Variants in ROS1 observed in about 807,000 individuals in gnomAD.
ROS1 encodes the protein ROS proto-oncogene 1, receptor tyrosine kinase, also known as proto-oncogene tyrosine-protein kinase ROS.
ROS1 carries 263 observed loss-of-function variants against 273.5 expected under a neutral mutation model. That is an observed-to-expected ratio of 0.96 (90% CI 0.87 to 1.06). The LOEUF (loss-of-function observed/expected upper bound fraction) is 1.06. Ranked by LOEUF, ROS1 falls within the 50% of genes least tolerant of loss-of-function variation. The pLI is 0.00. For synonymous variants in ROS1, 1,008 were observed against 954.1 expected (o/e 1.06, Z -1.04); for missense variants, 2,833 against 2,751.1 (o/e 1.03, Z -0.67).
At position 117,358,020 on chromosome 6, in the gene ROS1, G is replaced by C; in HGVS notation, c.3634-11C>G. On this transcript the variant is annotated splice_polypyrimidine_tract_variant and intron_variant, in intron 24 of 43. Transcript: ENST00000368507. Reference sequence around the variant, plus strand: ...TGAATCTTGGAAAAGCTTAACAACAGGTAGAGAACACAGCCAAGAAGAGAG... The same window carrying C: ...TGAATCTTGGAAAAGCTTAACAACACGTAGAGAACACAGCCAAGAAGAGAG... 6.3e-7 allele frequency: 1 copy of C among 1,580,170 alleles called. No individual in the cohort carries two copies. Among genetic ancestry groups the C allele is most frequent in the Non-Finnish European group, 8.7e-7 (1 of 1,150,224 alleles).
Position 117,383,461 on chromosome 6 carries a change from G to C in ROS1, c.2337C>G (p.His779Gln). The change falls in exon 17 of 44, where the codon CAC becomes CAG. Residue 779 changes from histidine to glutamine, a missense_variant. Transcript: ENST00000368507. ...CCATGTCATTCACCAATAGCTTCAC[G>C]TGGGTAACAATGTCTGTGTGTCCCG... ...VLTGHTDIVT[H>Q]VKLLVNDMVV... 1.9e-6 allele frequency: 3 copies of C among 1,614,042 alleles called. No individual in the cohort carries two copies. The highest frequency in any genetic ancestry group is 2.5e-6 in the Non-Finnish European group (3 of 1,179,926).
intron 26 of ROS1, among the ~76,000 whole-genome samples, chr6:117,355,963 C>T (rs1248620275): frequency 6.6e-6 from 1 of 152,168 alleles, no homozygotes; most frequent in African/African-American, 2.4e-5. Context: ...GTGATTACCA[C>T]ACTGGGCAAT....
chr6:117,404,356 G>C lies in ROS1; in HGVS notation c.389C>G (p.Ser130Cys), dbSNP rs2128726676. The C allele has an allele frequency of 6.2e-7, 1 of 1,613,926 alleles. No individual in the cohort carries two copies. Among genetic ancestry groups the C allele is most frequent in the African/African-American group, 1.3e-5 (1 of 75,040 alleles). ...GSHNMTLRWK[S>C]ANFSGVKYII... The stretch of plus-strand genomic sequence containing the variant: ...GTATTTTACTCCAGAGAAGTTTGCA[G>C]ATTTCCATCGTAATGTCATATTGTG... Residue 130 changes from serine to cysteine, a missense_variant, in exon 6 of 44, where the codon TCT becomes TGT. Physicochemically the swap from Ser to Cys is moderately radical, Grantham distance 112 (BLOSUM62 -1). Transcript: ENST00000368507.
chr6:117,361,513 A>G lies in ROS1; in HGVS notation c.3366+1090T>C, dbSNP rs545660782. Among the ~76,000 whole-genome samples the G allele has an allele frequency of 8.7e-5, 13 of 148,714 alleles. 1 individual carries two copies. In the South Asian group the frequency reaches 2.5e-3, roughly 29 times the overall value. On this transcript the variant is annotated intron_variant, in intron 22 of 43. Coordinates refer to ENST00000368507, the MANE Select transcript of ROS1 (RefSeq NM_001378902.1). ...CATGCATATCACTTTGCATGGTTCC[A>G]TGGTGACCAAAATTTGAAACTATAT...
chr6:117,403,098 T>C (rs749889337), intron 7 of ROS1, 41 bp downstream of exon 7: 2 of 1,605,136 alleles, frequency 1.2e-6, no homozygotes, highest in South Asian at 2.2e-5. Flanking sequence ...ATCAAAGCTT[T>C]GGAATAATGT....
chr6:117,399,294 T>C (rs1773759532), intron 7 of ROS1, among the ~76,000 whole-genome samples: 1 of 152,210 alleles, frequency 6.6e-6, no homozygotes, highest in South Asian at 2.1e-4. Context: ...CCCAGCACTG[T>C]TGGATAACAT....
At chr6:117,405,997 G>A (rs977354335) in intron 5 of ROS1, among the ~76,000 whole-genome samples, 3 of 152,116 alleles carry the variant, frequency 2.0e-5, no homozygotes, top group Non-Finnish European at 4.4e-5. Context: ...ATAAAAAATA[G>A]CTATTTTTGG....
chr6:117,362,922 A>C, intron 21 of ROS1, 57 bp from the exon 22 acceptor site: 1 of 1,396,958 alleles, frequency 7.2e-7, no homozygotes, highest in Non-Finnish European at 9.6e-7. Flanking sequence ...AAAGAATATA[A>C]GACTTTTACC....
At chr6:117,339,926 G>A (rs554258436) in intron 31 of ROS1, among the ~76,000 whole-genome samples, 5 of 152,180 alleles carry the variant, frequency 3.3e-5, no homozygotes, top group Non-Finnish European at 5.9e-5. Flanking sequence ...TCTCTGCCTG[G>A]TGACATCTGG....
intron 42 of ROS1, chr6:117,301,343 G>A: frequency 2.4e-6 from 1 of 422,482 alleles, no homozygotes; most frequent in Non-Finnish European, 4.2e-6. Context: ...CCTTTCTTTT[G>A]AAAAGCTGAC....
intron 17 of ROS1, among the ~76,000 whole-genome samples, chr6:117,380,018 T>G (rs1582794742): frequency 6.6e-6 from 1 of 152,148 alleles, no homozygotes. Flanking sequence ...AGATATGGCA[T>G]AGAATCCATG....
At chr6:117,371,313 C>A (rs1052727366) in intron 18 of ROS1, among the ~76,000 whole-genome samples, 2 of 152,102 alleles carry the variant, frequency 1.3e-5, no homozygotes, top group African/African-American at 4.8e-5. Context: ...CTGTGGAAAA[C>A]CTGAAGGTCC....
At chr6:117,418,987 G>A (rs1435455791) in intron 1 of ROS1, among the ~76,000 whole-genome samples, 1 of 152,170 alleles carries the variant, frequency 6.6e-6, no homozygotes, top group Non-Finnish European at 1.5e-5. Context: ...TAGGAACTAA[G>A]GACAGAGATC....
At chr6:117,354,549 A>G (rs2128640276) in intron 26 of ROS1, among the ~76,000 whole-genome samples, 1 of 152,360 alleles carries the variant, frequency 6.6e-6, no homozygotes, top group South Asian at 2.1e-4. Context: ...AAGCTTAAAC[A>G]GACTTCCTTA....
At chr6:117,347,126 G>C (rs558741887) in intron 27 of ROS1, among the ~76,000 whole-genome samples, 5 of 152,006 alleles carry the variant, frequency 3.3e-5, no homozygotes, top group Non-Finnish European at 7.4e-5. Context: ...TTTTCATTGG[G>C]ATTTTATTGA....
At chr6:117,298,651 T>A (rs953657551) in intron 43 of ROS1, among the ~76,000 whole-genome samples, 1 of 152,234 alleles carries the variant, frequency 6.6e-6, no homozygotes, top group Non-Finnish European at 1.5e-5. Flanking sequence ...TGGATATAGA[T>A]GTAGTCTTAT....
At chr6:117,392,731 T>C (rs1217476898) in intron 12 of ROS1, among the ~76,000 whole-genome samples, 1 of 152,206 alleles carries the variant, frequency 6.6e-6, no homozygotes, top group Non-Finnish European at 1.5e-5. Flanking sequence ...GGCAGAGTTA[T>C]CAATCAGCTC....
intron 6 of ROS1, 135 bp downstream of exon 6, chr6:117,404,145 C>T (rs2128725646): frequency 1.3e-6 from 1 of 785,522 alleles, no homozygotes; most frequent in Non-Finnish European, 2.0e-6. Context: ...GGTGTGAACC[C>T]AAGAGGCGGA....
intron 4 of ROS1, among the ~76,000 whole-genome samples, chr6:117,411,038 G>A (rs1196427926): frequency 6.6e-6 from 1 of 152,110 alleles, no homozygotes; most frequent in Non-Finnish European, 1.5e-5. Flanking sequence ...GAGAAGAGAC[G>A]AGATGTATTT....
Sources: allele counts gnomAD v4.1 joint callset (sites outside exome capture counted in the v4.1 genomes callset), GRCh38; gene constraint gnomAD v4.1.1; transcripts MANE v1.5; gene names NCBI Gene and HGNC (gene_info 2026-07-23, HGNC 2026-07-21).